The following IGBP1C variants were observed in gnomAD, a reference collection of about 807,000 sequenced individuals.
IGBP1C encodes the protein IGBP1 family member C.
At chr17:58,666,929 C>CATAGG in the IGBP1C span, among the ~76,000 whole-genome samples, 41 of 152,194 alleles carry the variant, frequency 2.7e-4, 1 homozygote, top group Admixed American at 2.7e-3. Context: ...TGACGTCATG[C>CATAGG]ATAGGCCTGG....
At chr17:58,686,994 C>G in the IGBP1C span, among the ~76,000 whole-genome samples, 1 of 150,518 alleles carries the variant, frequency 6.6e-6, no homozygotes, top group Non-Finnish European at 1.5e-5. Flanking sequence ...CTGCCTCAGT[C>G]TCCCGAGTAG....
chr17:58,676,196 T>G, the IGBP1C span, among the ~76,000 whole-genome samples: 3 of 152,052 alleles, frequency 2.0e-5, no homozygotes, highest in Admixed American at 2.0e-4. Flanking sequence ...GCCAAAATGG[T>G]GAAACCCCAT....
the IGBP1C span, among the ~76,000 whole-genome samples, chr17:58,689,780 A>G: frequency 1.3e-5 from 2 of 152,276 alleles, no homozygotes; most frequent in African/African-American, 4.8e-5. Context: ...ATGACTACAG[A>G]GCAAATTGCA....
chr17:58,667,159 A>G, the IGBP1C span, among the ~76,000 whole-genome samples: 1 of 152,182 alleles, frequency 6.6e-6, no homozygotes, highest in Non-Finnish European at 1.5e-5. Context: ...CGGGATACCC[A>G]CGCTGTGAAC....
At chr17:58,680,559 T>A in the IGBP1C span, among the ~76,000 whole-genome samples, 1 of 152,014 alleles carries the variant, frequency 6.6e-6, no homozygotes, top group Non-Finnish European at 1.5e-5. Flanking sequence ...CTGGCCAACA[T>A]GGTAAAACCC....
the IGBP1C span, among the ~76,000 whole-genome samples, chr17:58,690,463 G>C: frequency 6.6e-6 from 1 of 152,162 alleles, no homozygotes; most frequent in Non-Finnish European, 1.5e-5. Context: ...ACTGTGCCAG[G>C]CCAAAGTAGT....
the IGBP1C span, chr17:58,661,188 T>G: frequency 1.2e-6 from 1 of 801,934 alleles, no homozygotes; most frequent in Non-Finnish European, 2.3e-6. Flanking sequence ...GCACCGTGAT[T>G]TTCAGCTGAG....
the IGBP1C span, among the ~76,000 whole-genome samples, chr17:58,685,755 G>A: frequency 6.6e-6 from 1 of 151,760 alleles, no homozygotes; most frequent in African/African-American, 2.4e-5. Context: ...AGTTTGGGAG[G>A]CTGAGGTGGG....
the IGBP1C span, chr17:58,660,471 G>A: frequency 1.7e-6 from 1 of 604,532 alleles, no homozygotes; most frequent in East Asian, 2.7e-5. Flanking sequence ...AAGCATCTTT[G>A]CCTTCGTTTT....
chr17:58,671,559 A>T, the IGBP1C span, among the ~76,000 whole-genome samples: 3 of 152,088 alleles, frequency 2.0e-5, no homozygotes, highest in Non-Finnish European at 2.9e-5. Flanking sequence ...CACCCAGCTC[A>T]GGCCCCAAGC....
At chr17:58,691,702 A>G in the IGBP1C span, among the ~76,000 whole-genome samples, 255 of 149,530 alleles carry the variant, frequency 1.7e-3, no homozygotes, top group Admixed American at 2.9e-3. Flanking sequence ...ATAGGTAGGG[A>G]ATAAGTTACC....
chr17:58,672,698 A>G, the IGBP1C span, among the ~76,000 whole-genome samples: 1 of 151,848 alleles, frequency 6.6e-6, no homozygotes, highest in East Asian at 1.9e-4. Flanking sequence ...CTGGGATTAC[A>G]ACTGTGAGCC....
the IGBP1C span, chr17:58,660,855 G>A: frequency 5.0e-6 from 4 of 792,390 alleles, no homozygotes; most frequent in East Asian, 2.4e-5. Context: ...GCCATGTTCC[G>A]AGTGAGAATG....
the IGBP1C span, among the ~76,000 whole-genome samples, chr17:58,665,712 C>A: frequency 5.3e-5 from 8 of 151,664 alleles, no homozygotes; most frequent in Non-Finnish European, 7.4e-5. Flanking sequence ...AACAACCCTG[C>A]AACCCCAAAG....
chr17:58,685,984 G>C, the IGBP1C span, among the ~76,000 whole-genome samples: 1 of 115,924 alleles, frequency 8.6e-6, no homozygotes, highest in Non-Finnish European at 1.6e-5. Context: ...GACAGGGCAA[G>C]ACTCTGTCTC....
the IGBP1C span, among the ~76,000 whole-genome samples, chr17:58,688,176 A>G: frequency 6.6e-6 from 1 of 152,140 alleles, no homozygotes; most frequent in Non-Finnish European, 1.5e-5. Context: ...GCTGGAGTAC[A>G]GTGTCATAAT....
chr17:58,675,439 G>T, the IGBP1C span: 2 of 154,664 alleles, frequency 1.3e-5, no homozygotes, highest in South Asian at 3.6e-4. Flanking sequence ...GAGAGGAGAT[G>T]AGAAGAGAAA....
chr17:58,681,730 C>G, the IGBP1C span, among the ~76,000 whole-genome samples: 1 of 151,884 alleles, frequency 6.6e-6, no homozygotes, highest in African/African-American at 2.4e-5. Flanking sequence ...GTAATCCCAG[C>G]TACCCAGGAG....
At chr17:58,670,901 A>T in the IGBP1C span, among the ~76,000 whole-genome samples, 1 of 152,156 alleles carries the variant, frequency 6.6e-6, no homozygotes, top group East Asian at 1.9e-4. Flanking sequence ...GCATATATTA[A>T]TTAGCTCCCT....
Sources: allele counts gnomAD v4.1 joint callset (sites outside exome capture counted in the v4.1 genomes callset), GRCh38; gene constraint gnomAD v4.1.1; transcripts MANE v1.5; gene names NCBI Gene and HGNC (gene_info 2026-07-23, HGNC 2026-07-21).